Variants in PARD3 observed in about 807,000 individuals in gnomAD.
The protein encoded by PARD3 is partitioning defective 3 homolog.
A neutral mutation model predicts 155.4 loss-of-function variants in PARD3; 75 were observed. The ratio of observed to expected loss-of-function variants is 0.48; its 90% CI spans 0.40 to 0.58. PARD3 has a LOEUF of 0.58. Among genes scored for constraint, PARD3 ranks in the 20% least tolerant of loss-of-function variants. The probability of loss-of-function intolerance (pLI) is 0.00; values close to 1 mark genes in which losing one functional copy is unlikely to be tolerated. For missense variants in PARD3, 1,642 were observed against 1,721.7 expected (o/e 0.95, Z 0.82); for synonymous variants, 576 against 610.5 (o/e 0.94, Z 0.83).
chr10:34,143,074 C>A (rs11594830), intron 22 of PARD3, among the ~76,000 whole-genome samples: 29,652 of 152,172 alleles, frequency 0.19, 3,592 homozygotes, highest in Middle Eastern at 0.38. Flanking sequence ...GTAATCCCAG[C>A]ACTTTGGGAG....
rs75195563 is a variant in PARD3, at chr10:34,366,347, G to A, written c.1708-6088C>T. On this transcript the variant is annotated intron_variant, in intron 12 of 24. Transcript: ENST00000374788. Reference sequence around the variant, plus strand: ...GTAAACCTTCTGAGCACATGAGGTAGGGTAGGCTGGGTTACAGCGTTGTAG... The same window carrying A: ...GTAAACCTTCTGAGCACATGAGGTAAGGTAGGCTGGGTTACAGCGTTGTAG... Among the ~76,000 whole-genome samples, 249 of 152,304 alleles carry A rather than the reference G, an allele frequency of 1.6e-3. 3 individuals are homozygous for A. The highest frequency in any genetic ancestry group is 5.7e-3 in the African/African-American group (238 of 41,578).
At position 34,466,889 on chromosome 10, in the gene PARD3, G is replaced by A. The variant is rs1256216393; in HGVS notation, c.582+3196C>T. Among the ~76,000 whole-genome samples, 3 of 152,074 alleles carry A rather than the reference G, an allele frequency of 2.0e-5. No individual in the cohort carries two copies. In the South Asian group the frequency reaches 6.2e-4, roughly 32 times the overall value. ...AAACAGCATAAAACGCAGACAGCAA[G>A]ATTAGTATTTGAAGAGTAAAGCCAA... On this transcript the variant is annotated intron_variant, in intron 4 of 24. Coordinates refer to ENST00000374788, the MANE Select transcript of PARD3 (RefSeq NM_001184785.2).
chr10:34,708,226 T>C (rs1411225986), intron 1 of PARD3, among the ~76,000 whole-genome samples: 2 of 152,020 alleles, frequency 1.3e-5, no homozygotes, highest in Non-Finnish European at 2.9e-5. Flanking sequence ...TTCTTTGTTT[T>C]TTGTCTTGTC....
At chr10:34,792,182 G>A (rs117915141) in intron 1 of PARD3, among the ~76,000 whole-genome samples, 6,002 of 152,232 alleles carry the variant, frequency 0.039, 169 homozygotes, top group Middle Eastern at 0.065. Flanking sequence ...TGCTCTTTGC[G>A]GAGCTCTCTG....
At chr10:34,566,750 A>G (rs2134113496) in intron 2 of PARD3, among the ~76,000 whole-genome samples, 1 of 152,314 alleles carries the variant, frequency 6.6e-6, no homozygotes, top group South Asian at 2.1e-4. Context: ...TAAATAAATT[A>G]ACCAAAGTTT....
intron 23 of PARD3, among the ~76,000 whole-genome samples, chr10:34,127,626 TG>T (rs1947357698): frequency 6.6e-6 from 1 of 152,206 alleles, no homozygotes; most frequent in Non-Finnish European, 1.5e-5. Flanking sequence ...GTCAAGATGC[TG>T]GTTTGGAATC....
chr10:34,313,576 A>G (rs1957820560), intron 20 of PARD3, among the ~76,000 whole-genome samples: 1 of 152,196 alleles, frequency 6.6e-6, no homozygotes, highest in African/African-American at 2.4e-5. Context: ...CTACCATTCA[A>G]TGTGTCAAAC....
chr10:34,130,479 C>G (rs1224731727), intron 23 of PARD3, among the ~76,000 whole-genome samples: 1 of 152,182 alleles, frequency 6.6e-6, no homozygotes, highest in Non-Finnish European at 1.5e-5. Context: ...TCCTAATACC[C>G]CATGCTAGAG....
intron 1 of PARD3, among the ~76,000 whole-genome samples, chr10:34,702,247 T>C (rs2133548355): frequency 6.6e-6 from 1 of 151,392 alleles, no homozygotes; most frequent in Admixed American, 6.6e-5. Context: ...CCCAGCCACC[T>C]AGGAGGCTGA....
intron 2 of PARD3, among the ~76,000 whole-genome samples, chr10:34,652,763 T>C (rs1306200488): frequency 4.6e-5 from 7 of 152,000 alleles, no homozygotes; most frequent in Admixed American, 3.9e-4. Flanking sequence ...TTCTAGAAAA[T>C]GAAAATACGT....
intron 2 of PARD3, among the ~76,000 whole-genome samples, chr10:34,532,195 G>C (rs2082906564): frequency 6.6e-6 from 1 of 152,078 alleles, no homozygotes; most frequent in African/African-American, 2.4e-5. Context: ...GGTTGTAAAT[G>C]ACAGGGTATC....
intron 5 of PARD3, among the ~76,000 whole-genome samples, chr10:34,420,027 C>T (rs1040626021): frequency 6.6e-6 from 1 of 152,240 alleles, no homozygotes; most frequent in Non-Finnish European, 1.5e-5. Context: ...TCTTGGCATA[C>T]TGCAGCGTCT....
intron 2 of PARD3, among the ~76,000 whole-genome samples, chr10:34,647,526 A>G (rs762011704): frequency 2.0e-5 from 3 of 152,236 alleles, no homozygotes; most frequent in Non-Finnish European, 2.9e-5. Context: ...CACAGAAAAT[A>G]CAAAAAATCT....
intron 2 of PARD3, among the ~76,000 whole-genome samples, chr10:34,521,999 G>C (rs947094073): frequency 1.3e-5 from 2 of 152,178 alleles, no homozygotes; most frequent in Non-Finnish European, 2.9e-5. Flanking sequence ...GTGGTTGTGG[G>C]TAGACAGAAT....
chr10:34,649,292 G>T (rs975082374), intron 2 of PARD3, among the ~76,000 whole-genome samples: 4 of 152,144 alleles, frequency 2.6e-5, no homozygotes, highest in African/African-American at 9.7e-5. Context: ...ATTAATTAAG[G>T]TAAAACAGAA....
intron 9 of PARD3, among the ~76,000 whole-genome samples, chr10:34,381,524 A>C (rs989032896): frequency 6.6e-5 from 10 of 152,196 alleles, no homozygotes; most frequent in African/African-American, 2.4e-4. Flanking sequence ...AACTGCAAGA[A>C]CATGCTCTCT....
At position 34,595,982 on chromosome 10, in the gene PARD3, G is replaced by A. The variant is rs949248217; in HGVS notation, c.223-78823C>T. On this transcript the variant is annotated intron_variant, in intron 2 of 24. Transcript: ENST00000374788. ...TCTTTATAAAAATAAATAAATAAAT[G>A]ATGAAGATAAAAGCTTAATATTACC... Among the ~76,000 whole-genome samples, 18 of 152,204 alleles carry A rather than the reference G, an allele frequency of 1.2e-4. No homozygotes were observed. The East Asian group carries it at 2.7e-3, about 23-fold the overall frequency.
At position 34,261,810 on chromosome 10, in the gene PARD3, AAAGAAAG is replaced by A. The variant is rs1210359071; in HGVS notation, c.3419+7840_3419+7846del. Among the ~76,000 whole-genome samples the A allele has an allele frequency of 1.2e-4, 18 of 149,374 alleles. 1 individual carries two copies. The highest frequency in any genetic ancestry group is 4.6e-4 in the Admixed American group (7 of 15,076). On this transcript the variant is annotated intron_variant, in intron 22 of 24. Coordinates refer to ENST00000374788, the MANE Select transcript of PARD3 (RefSeq NM_001184785.2). ...GAAAGAAAGAAAGAAAGAAAGAAAG[AAAGAAAG>A]AAAGAAAGAAACAAACAAACAAACA... is the stretch of plus-strand genomic sequence containing the variant.
At chr10:34,551,962 C>T (rs567753771) in intron 2 of PARD3, among the ~76,000 whole-genome samples, 176 of 152,280 alleles carry the variant, frequency 1.2e-3, no homozygotes, top group Non-Finnish European at 1.5e-3. Flanking sequence ...TGACCCTACA[C>T]AAAAAAGTAC....
Sources: allele counts gnomAD v4.1 joint callset (sites outside exome capture counted in the v4.1 genomes callset), GRCh38; gene constraint gnomAD v4.1.1; transcripts MANE v1.5; gene names NCBI Gene and HGNC (gene_info 2026-07-23, HGNC 2026-07-21).